The following SCMH1 variants were observed in gnomAD, a reference collection of about 807,000 sequenced individuals.
SCMH1 encodes the protein polycomb protein SCMH1.
Under a neutral mutation model 70.8 loss-of-function variants are expected in SCMH1, and 37 were observed. The ratio of observed to expected loss-of-function variants is 0.52; its 90% CI spans 0.40 to 0.69. The LOEUF (loss-of-function observed/expected upper bound fraction) is 0.69, where lower values mean the gene tolerates loss of function less well. SCMH1 is among the 30% of genes least tolerant of loss of function. SCMH1 has a pLI of 0.00. For missense variants in SCMH1, 607 were observed against 827.3 expected, an observed-to-expected ratio of 0.73 and a Z score of 3.27; for synonymous variants, 292 against 307.4, an observed-to-expected ratio of 0.95 and a Z score of 0.52.
At chr1:41,162,068 C>T (rs900531250) in intron 2 of SCMH1, among the ~76,000 whole-genome samples, 18 of 151,998 alleles carry the variant, frequency 1.2e-4, no homozygotes, top group Admixed American at 9.2e-4. Context: ...CCACCCAAAC[C>T]GAGGCTGCAA....
At chr1:41,086,055 G>T (rs1232774857) in intron 8 of SCMH1, among the ~76,000 whole-genome samples, 1 of 151,910 alleles carries the variant, frequency 6.6e-6, no homozygotes, top group Non-Finnish European at 1.5e-5. Flanking sequence ...TGGCCAGGAT[G>T]GTCTCGATCT....
intron 13 of SCMH1, among the ~76,000 whole-genome samples, chr1:41,030,464 A>G (rs963975518): frequency 6.6e-6 from 1 of 152,190 alleles, no homozygotes; most frequent in African/African-American, 2.4e-5. Context: ...CTGCTTCTTG[A>G]ATAAGTCAAG....
chr1:41,037,156 T>C (rs1179553374), intron 13 of SCMH1, among the ~76,000 whole-genome samples: 3 of 152,164 alleles, frequency 2.0e-5, no homozygotes, highest in Admixed American at 2.0e-4. Context: ...GGTCTTTGGC[T>C]CTTAGTTTCT....
intron 13 of SCMH1, among the ~76,000 whole-genome samples, chr1:41,031,977 C>T (rs963500639): frequency 1.3e-5 from 2 of 151,962 alleles, no homozygotes; most frequent in African/African-American, 4.8e-5. Flanking sequence ...GCAGAGCCCT[C>T]ATGAATGAGA....
chr1:41,032,819 AAT>A (rs980088110), intron 13 of SCMH1, among the ~76,000 whole-genome samples: 7 of 152,110 alleles, frequency 4.6e-5, no homozygotes, highest in African/African-American at 1.7e-4. Context: ...CTCTACTAAA[AAT>A]ACAAAAAATT....
intron 6 of SCMH1, among the ~76,000 whole-genome samples, chr1:41,133,434 G>GT: frequency 6.6e-6 from 1 of 152,066 alleles, no homozygotes; most frequent in African/African-American, 2.4e-5. Flanking sequence ...AATAACTAAG[G>GT]TAAGTGCAGA....
chr1:41,195,807 T>C (rs948395368), intron 1 of SCMH1, among the ~76,000 whole-genome samples: 1 of 152,172 alleles, frequency 6.6e-6, no homozygotes, highest in African/African-American at 2.4e-5. Context: ...CTCTTATATG[T>C]AGGAAATTCT....
chr1:41,058,887 T>G (rs953018652), intron 10 of SCMH1, among the ~76,000 whole-genome samples: 1 of 152,224 alleles, frequency 6.6e-6, no homozygotes, highest in African/African-American at 2.4e-5. Flanking sequence ...GTCTTTGTTC[T>G]GCACCTGAGA....
At chr1:41,046,421 T>G in exon 12 of SCMH1, 1 of 1,614,102 alleles carries the variant, frequency 6.2e-7, no homozygotes, top group Non-Finnish European at 8.5e-7. Flanking sequence ...TAGGTACCTG[T>G]CGTGGCTGTG....
intron 1 of SCMH1, among the ~76,000 whole-genome samples, chr1:41,240,746 CTTTTTTT>C (rs200850811): frequency 7.2e-6 from 1 of 138,076 alleles, no homozygotes; most frequent in Non-Finnish European, 1.6e-5. Flanking sequence ...TAAATGTTTT[CTTTTTTT>C]TTTTTTTTTA....
intron 10 of SCMH1, among the ~76,000 whole-genome samples, chr1:41,058,909 T>C (rs1651576481): frequency 6.6e-6 from 1 of 152,176 alleles, no homozygotes; most frequent in Non-Finnish European, 1.5e-5. Flanking sequence ...GATATGATAT[T>C]GACATTATCA....
intron 2 of SCMH1, among the ~76,000 whole-genome samples, chr1:41,184,644 G>A (rs901210267): frequency 3.3e-5 from 5 of 152,052 alleles, no homozygotes; most frequent in African/African-American, 1.2e-4. Flanking sequence ...TCACTACAGG[G>A]AAGCAGATGT....
intron 8 of SCMH1, among the ~76,000 whole-genome samples, chr1:41,103,544 T>C (rs769967289): frequency 6.6e-5 from 10 of 152,188 alleles, no homozygotes; most frequent in Admixed American, 3.3e-4. Context: ...TAAATTGATA[T>C]GTATTGATGC....
At chr1:41,034,560 C>T (rs1645027704) in intron 13 of SCMH1, among the ~76,000 whole-genome samples, 2 of 152,090 alleles carry the variant, frequency 1.3e-5, no homozygotes. Context: ...ATCTCTTGAC[C>T]TCGTGATCCA....
chr1:41,206,689 G>C (rs576743214), intron 1 of SCMH1, among the ~76,000 whole-genome samples: 6 of 152,166 alleles, frequency 3.9e-5, no homozygotes, highest in Non-Finnish European at 8.8e-5. Flanking sequence ...GAAATACAGA[G>C]AACACCACAA....
intron 13 of SCMH1, among the ~76,000 whole-genome samples, chr1:41,035,616 A>G (rs1241891003): frequency 2.0e-5 from 3 of 152,110 alleles, no homozygotes; most frequent in Non-Finnish European, 4.4e-5. Context: ...CTTTTGGCTT[A>G]AGACTGATGC....
At chr1:41,179,394 C>T (rs956210886) in intron 2 of SCMH1, among the ~76,000 whole-genome samples, 6 of 152,072 alleles carry the variant, frequency 3.9e-5, no homozygotes, top group Admixed American at 2.0e-4. Flanking sequence ...AATAGAGACA[C>T]AAAAAACCCT....
chr1:41,075,105 G>A lies in SCMH1; in HGVS notation c.978+114C>T, dbSNP rs184984184. 1.0e-4 allele frequency: 97 copies of A among 936,518 alleles called. No homozygotes were observed. In the African/African-American group the frequency reaches 1.3e-3, roughly 12 times the overall value. 58.0% of individuals were successfully genotyped at this position (936,518 alleles called of 1,614,324 possible). ...TCTCGATCTCCTGACCTCATGATCC[G>A]CCCGCCTCGGCCTCCCATTAAGTGC... On this transcript the variant is annotated intron_variant, in intron 9 of 14. Coordinates refer to ENST00000337495, the Ensembl canonical transcript of SCMH1.
intron 8 of SCMH1, among the ~76,000 whole-genome samples, chr1:41,099,483 A>T (rs997779175): frequency 1.4e-4 from 22 of 152,252 alleles, no homozygotes; most frequent in Non-Finnish European, 1.9e-4. Context: ...ATTCACAATT[A>T]TCTCAGCCTT....
Sources: gnomAD v4.1 joint callset for allele counts (sites outside exome capture counted in the v4.1 genomes callset) on GRCh38, gnomAD v4.1.1 for gene constraint, MANE v1.5 for transcripts, NCBI Gene and HGNC (gene_info 2026-07-23, HGNC 2026-07-21) for gene names.